The following CUBN variants were observed in gnomAD, a reference collection of about 807,000 sequenced individuals.
CUBN encodes the protein cubilin.
In CUBN, 282 loss-of-function variants were observed where a neutral mutation model predicts 405.3. The observed-to-expected ratio is 0.70, with a 90% CI of 0.63 to 0.77. CUBN has a LOEUF of 0.77. CUBN is among the 30% of genes least tolerant of loss of function. The pLI is 0.00. For synonymous variants in CUBN, 1,684 were observed against 1,617.0 expected (o/e 1.04, Z -0.99); for missense variants, 4,514 against 4,475.2 (o/e 1.01, Z -0.25).
At chr10:17,129,013 A>T in intron 2 of CUBN, 108 bp downstream of exon 2, 1 of 859,506 alleles carries the variant, frequency 1.2e-6, no homozygotes, top group South Asian at 1.8e-5. Flanking sequence ...GTATTAATAA[A>T]AAATAATAAT....
At chr10:17,068,349 C>G in intron 20 of CUBN, 69 bp from the exon 21 acceptor site, 1 of 1,465,658 alleles carries the variant, frequency 6.8e-7, no homozygotes, top group Non-Finnish European at 9.5e-7. Context: ...TTAAAAGGCT[C>G]TGATAATAAC....
Position 16,877,220 on chromosome 10 carries a change from C to T in CUBN, c.8906-123G>A, listed in dbSNP as rs4747287. On this transcript the variant is annotated intron_variant, in intron 56 of 66. Transcript: ENST00000377833. ...TTGCTATAAAAATTAAAATGAGAAA[C>T]GAGATATTTAACTTAGTTTCCTGTT... is the stretch of plus-strand genomic sequence containing the variant. 0.07 allele frequency: 61,082 copies of T among 872,042 alleles called. 6,229 individuals carry two copies. Among genetic ancestry groups the T allele is most frequent in the East Asian group, 0.32 (11,945 of 37,776 alleles). 54.0% of individuals were successfully genotyped at this position (872,042 alleles called of 1,614,324 possible). A position where few individuals can be genotyped will look rare whatever the true frequency, so the allele number is the denominator to read the frequency against.
chr10:17,092,659 T>C (rs1236742080), intron 14 of CUBN, among the ~76,000 whole-genome samples: 2 of 152,132 alleles, frequency 1.3e-5, no homozygotes, highest in Non-Finnish European at 1.5e-5. Context: ...ACCAGTGCCA[T>C]GACAGTTTAC....
chr10:16,906,219 G>T lies in CUBN; in HGVS notation c.7896C>A (p.Val2632=), dbSNP rs756406780. The T allele has an allele frequency of 3.1e-6, 5 of 1,612,778 alleles. No individual in the cohort carries two copies. In the South Asian group the frequency reaches 5.5e-5, roughly 18 times the overall value. The change falls in exon 50 of 67, where the codon GTC becomes GTA. Residue 2632 remains valine, a synonymous_variant. Coordinates refer to ENST00000377833, the MANE Select transcript of CUBN (RefSeq NM_001081.4). The part of the protein sequence containing the change: ...LESHQDCQFD[V]LEFRVGDADG... ...AGAACTCACCCACTCGAAACTCGAG[G>T]ACATCAAATTGACAGTCTTGGTGAC...
At chr10:16,988,967 A>C (rs924658692) in intron 29 of CUBN, among the ~76,000 whole-genome samples, 4 of 152,240 alleles carry the variant, frequency 2.6e-5, no homozygotes, top group Non-Finnish European at 4.4e-5. Flanking sequence ...TCCTCTGTAC[A>C]GTGCCCTAAA....
At chr10:17,096,633 A>C (rs1836380660) in intron 14 of CUBN, among the ~76,000 whole-genome samples, 1 of 152,098 alleles carries the variant, frequency 6.6e-6, no homozygotes. Flanking sequence ...TAATATTTGA[A>C]AAACACTATT....
intron 53 of CUBN, 74 bp downstream of exon 53, chr10:16,900,551 C>A: frequency 8.5e-7 from 1 of 1,177,532 alleles, no homozygotes; most frequent in Non-Finnish European, 1.3e-6. Context: ...AAAGTAGGTA[C>A]AAAATGTACA....
At chr10:17,020,406 G>C (rs999591571) in intron 27 of CUBN, among the ~76,000 whole-genome samples, 1 of 152,094 alleles carries the variant, frequency 6.6e-6, no homozygotes, top group African/African-American at 2.4e-5. Context: ...TATATTTATA[G>C]GGTACATGAG....
rs191734332 is a variant in CUBN at position 16,918,896 on chromosome 10, C to A, written c.6822-96G>T. 1.2e-5 allele frequency: 14 copies of A among 1,128,120 alleles called. No individual in the cohort carries two copies. The South Asian group carries it at 1.6e-4, about 13-fold the overall frequency. The allele number at this position is 1,128,120 out of a possible 1,614,324, so 69.9% of individuals were successfully genotyped here. A position where few individuals can be genotyped will look rare whatever the true frequency, so the allele number is the denominator to read the frequency against. ...ACTTTCTTTGAAGATATTATTAAAT[C>A]ATCATTTCTTAGCATAAAAAACTAT... On this transcript the variant is annotated intron_variant, in intron 44 of 66. Transcript: ENST00000377833.
intron 28 of CUBN, among the ~76,000 whole-genome samples, chr10:17,013,263 C>T (rs78261752): frequency 0.023 from 3,561 of 151,882 alleles, 95 homozygotes; most frequent in African/African-American, 0.066. Flanking sequence ...CTCTCTGTCT[C>T]TTCCTGTCTC....
At chr10:17,087,472 C>CTTTCTTTTTTTT (rs1202786680) in intron 15 of CUBN, among the ~76,000 whole-genome samples, 2 of 71,712 alleles carry the variant, frequency 2.8e-5, no homozygotes, top group African/African-American at 9.5e-5. Context: ...TTTTCTTTTT[C>CTTTCTTTTTTTT]TTTTTTTTTT....
At chr10:16,890,265 G>T in intron 55 of CUBN, 106 bp downstream of exon 55, 3 of 1,024,688 alleles carry the variant, frequency 2.9e-6, no homozygotes, top group Non-Finnish European at 1.5e-6. Flanking sequence ...CCTCCCCGTA[G>T]ACCCCCATAC....
At chr10:16,902,155 ATT>A (rs1841408075) in intron 51 of CUBN, among the ~76,000 whole-genome samples, 1 of 135,902 alleles carries the variant, frequency 7.4e-6, no homozygotes, top group African/African-American at 2.7e-5. Context: ...GTATATATAT[ATT>A]TGTATATACT....
intron 19 of CUBN, among the ~76,000 whole-genome samples, chr10:17,071,221 TCA>T (rs1350602411): frequency 2.6e-5 from 4 of 152,310 alleles, no homozygotes; most frequent in African/African-American, 7.2e-5. Flanking sequence ...GGGACAAATC[TCA>T]CTTAATCATG....
At chr10:16,914,975 A>T in intron 47 of CUBN, 57 bp downstream of exon 47, 1 of 1,441,002 alleles carries the variant, frequency 6.9e-7, no homozygotes, top group Non-Finnish European at 9.8e-7. Context: ...GGTGCCTAGC[A>T]TAGTGTCTGT....
intron 27 of CUBN, among the ~76,000 whole-genome samples, chr10:17,029,297 C>T (rs1834739233): frequency 6.6e-6 from 1 of 152,174 alleles, no homozygotes; most frequent in African/African-American, 2.4e-5. Context: ...AAAAGATCAG[C>T]ATTTCTTTTT....
Position 16,828,925 on chromosome 10 carries a change from A to T in CUBN, c.10644T>A (p.Leu3548=), listed in dbSNP as rs142314056. The T allele has an allele frequency of 6.8e-6, 11 of 1,614,140 alleles. No homozygotes were observed. The African/African-American group carries it at 1.2e-4, about 18-fold the overall frequency. The change falls in exon 66 of 67, where the codon CTT becomes CTA. Residue 3548 remains leucine, a synonymous_variant. Coordinates refer to ENST00000377833, the MANE Select transcript of CUBN (RefSeq NM_001081.4). ...TGATGAAGTAGAAGTTGATGGTGAC[A>T]AGCCTTCCAGCAGGAGCAACAAGGA... ...EWVLVAPAGR[L]VTINFYFISI...
intron 27 of CUBN, among the ~76,000 whole-genome samples, chr10:17,020,290 T>A (rs1389166652): frequency 6.6e-6 from 1 of 152,190 alleles, no homozygotes; most frequent in Non-Finnish European, 1.5e-5. Flanking sequence ...TAGTAGGCAT[T>A]CACATATTAA....
intron 58 of CUBN, among the ~76,000 whole-genome samples, chr10:16,873,248 A>G (rs1030505350): frequency 2.6e-5 from 4 of 152,180 alleles, no homozygotes; most frequent in Non-Finnish European, 2.9e-5. Context: ...CTGTCAGGTG[A>G]AAACAGTCTT....
Sources: gnomAD v4.1 joint callset for allele counts (sites outside exome capture counted in the v4.1 genomes callset) on GRCh38, gnomAD v4.1.1 for gene constraint, MANE v1.5 for transcripts, NCBI Gene and HGNC (gene_info 2026-07-23, HGNC 2026-07-21) for gene names.